The following ADAM18 variants were observed in gnomAD, a reference collection of about 807,000 sequenced individuals.
ADAM18 encodes the protein disintegrin and metalloproteinase domain-containing protein 18.
Under a neutral mutation model 94.4 loss-of-function variants are expected in ADAM18, and 117 were observed. That is an observed-to-expected ratio of 1.24 (90% CI 1.07 to 1.45). The LOEUF is 1.45. Ranked by LOEUF, ADAM18 falls within the 40% of genes most tolerant of loss-of-function variation. The pLI is 0.00. For missense variants in ADAM18, 936 were observed against 880.0 expected (o/e 1.06, Z -0.81); for synonymous variants, 327 against 291.6 (o/e 1.12, Z -1.24).
intron 17 of ADAM18, among the ~76,000 whole-genome samples, chr8:39,697,885 T>C (rs1406914494): frequency 1.3e-5 from 2 of 151,860 alleles, no homozygotes; most frequent in African/African-American, 4.8e-5. Context: ...CTTTTTGACA[T>C]TGGTGTTCAA....
intron 12 of ADAM18, among the ~76,000 whole-genome samples, chr8:39,657,872 C>G (rs1820730421): frequency 6.6e-6 from 1 of 151,898 alleles, no homozygotes; most frequent in African/African-American, 2.4e-5. Context: ...CCTATGATAC[C>G]TCATAAATAT....
At chr8:39,628,448 G>GATAA (rs941121496) in intron 6 of ADAM18, among the ~76,000 whole-genome samples, 1 of 150,804 alleles carries the variant, frequency 6.6e-6, no homozygotes, top group Non-Finnish European at 1.5e-5. Context: ...TAGATAGATA[G>GATAA]ATAGATAGAT....
At chr8:39,639,899 T>G (rs1280677521) in intron 10 of ADAM18, among the ~76,000 whole-genome samples, 1 of 152,088 alleles carries the variant, frequency 6.6e-6, no homozygotes, top group Non-Finnish European at 1.5e-5. Flanking sequence ...TCCTTTGTAT[T>G]ATGTGTATCC....
intron 12 of ADAM18, among the ~76,000 whole-genome samples, chr8:39,652,142 A>C (rs1478058955): frequency 6.6e-6 from 1 of 152,160 alleles, no homozygotes; most frequent in Non-Finnish European, 1.5e-5. Flanking sequence ...GGATCTGGCA[A>C]TGATTCATAA....
At chr8:39,674,911 G>C (rs997102665) in intron 14 of ADAM18, among the ~76,000 whole-genome samples, 2 of 152,246 alleles carry the variant, frequency 1.3e-5, no homozygotes, top group African/African-American at 4.8e-5. Flanking sequence ...TGAAATTCTG[G>C]GTTGAAAATT....
chr8:39,729,767 TA>T (rs1268785122), intron 19 of ADAM18, 130 bp from the exon 20 acceptor site: 1 of 683,200 alleles, frequency 1.5e-6, no homozygotes, highest in Non-Finnish European at 2.4e-6. Context: ...TAACCAAACT[TA>T]TCTATAATAA....
Position 39,645,487 on chromosome 8 carries a change from CTTAA to C in ADAM18, c.1046+20_1046+23del, listed in dbSNP as rs760183805. On this transcript the variant is annotated intron_variant, in intron 11 of 19. Coordinates refer to ENST00000265707, the MANE Select transcript of ADAM18 (RefSeq NM_014237.3). Reference sequence around the variant, plus strand: ...ATCATGAAGCAGTGTAAGATGTTTTCTTAATTAATTTCATTTATATTTTTATAAG... The same window carrying C: ...ATCATGAAGCAGTGTAAGATGTTTTCTTAATTTCATTTATATTTTTATAAG... 8 of 1,590,528 alleles carry C rather than the reference CTTAA, an allele frequency of 5.0e-6. No homozygotes were observed. The highest frequency in any genetic ancestry group is 6.8e-6 in the Non-Finnish European group (8 of 1,172,900).
intron 6 of ADAM18, among the ~76,000 whole-genome samples, chr8:39,626,579 C>T (rs1585912806): frequency 6.6e-6 from 1 of 151,786 alleles, no homozygotes; most frequent in African/African-American, 2.4e-5. Context: ...TTTGCTGTAT[C>T]CCAGAGGTTT....
rs548925322 is a variant in ADAM18, at chr8:39,623,446, C to T, written c.523-5928C>T. On this transcript the variant is annotated intron_variant, in intron 6 of 19. Coordinates refer to ENST00000265707, the MANE Select transcript of ADAM18 (RefSeq NM_014237.3). ...GTAGTTGTACTAATTTAGATTCCCA[C>T]CGGCAGTATGTACATATACTCCTGA... 6.6e-5 allele frequency among the ~76,000 whole-genome samples: 10 copies of T among 152,154 alleles called. No homozygotes were observed. The South Asian group carries it at 2.1e-3, about 32-fold the overall frequency.
At chr8:39,679,793 C>T (rs1310472942) in intron 15 of ADAM18, among the ~76,000 whole-genome samples, 1 of 152,130 alleles carries the variant, frequency 6.6e-6, no homozygotes, top group Non-Finnish European at 1.5e-5. Flanking sequence ...ACTTAGAGAA[C>T]AAAATTGGGC....
At chr8:39,598,419 T>C (rs1818804121) in intron 2 of ADAM18, among the ~76,000 whole-genome samples, 1 of 152,076 alleles carries the variant, frequency 6.6e-6, no homozygotes, top group Non-Finnish European at 1.5e-5. Context: ...GGTTAGAACA[T>C]GGCCTGCTAT....
chr8:39,596,445 C>T (rs1818742492), intron 2 of ADAM18, among the ~76,000 whole-genome samples: 1 of 152,164 alleles, frequency 6.6e-6, no homozygotes, highest in Non-Finnish European at 1.5e-5. Flanking sequence ...GTAGCCTTTT[C>T]AGATGGCTTT....
At chr8:39,616,132 A>G (rs957056970) in intron 6 of ADAM18, among the ~76,000 whole-genome samples, 1 of 152,176 alleles carries the variant, frequency 6.6e-6, no homozygotes, top group African/African-American at 2.4e-5. Context: ...GGCCAGCCAC[A>G]GTGGCTCATG....
chr8:39,686,780 C>T (rs191043186), intron 16 of ADAM18, among the ~76,000 whole-genome samples: 36 of 152,262 alleles, frequency 2.4e-4, no homozygotes, highest in African/African-American at 7.2e-4. Context: ...TTAAGAAATG[C>T]GTAGGAATCA....
At chr8:39,660,688 G>T (rs575684155) in intron 12 of ADAM18, among the ~76,000 whole-genome samples, 6 of 152,240 alleles carry the variant, frequency 3.9e-5, no homozygotes, top group African/African-American at 1.4e-4. Flanking sequence ...ATATCAACCA[G>T]ACAGAAAATT....
At chr8:39,673,928 C>A (rs145886615) in intron 14 of ADAM18, among the ~76,000 whole-genome samples, 1,967 of 152,182 alleles carry the variant, frequency 0.013, 37 homozygotes, top group African/African-American at 0.044. Context: ...TGTAGTTGTG[C>A]GGTTTTGAGA....
In ADAM18 at chr8:39,585,356, AATG is replaced by A; in HGVS notation, c.132+9_132+11del. On this transcript the variant is annotated splice_donor_5th_base_variant and intron_variant, in intron 2 of 19. Transcript: ENST00000265707. ...CAGTGAAGTTTCAGAGAGGAAGGTAAATGATGAGGAATATTTATTCTATATTTA... is the reference window on the plus strand; with the variant it reads ...CAGTGAAGTTTCAGAGAGGAAGGTAAATGAGGAATATTTATTCTATATTTA... The A allele has an allele frequency of 6.2e-7, 1 of 1,601,202 alleles. No homozygotes were observed. Among genetic ancestry groups the A allele is most frequent in the Non-Finnish European group, 8.6e-7 (1 of 1,169,068 alleles).
chr8:39,700,281 G>C (rs1173091106), intron 17 of ADAM18, among the ~76,000 whole-genome samples: 1 of 152,106 alleles, frequency 6.6e-6, no homozygotes, highest in African/African-American at 2.4e-5. Context: ...GTCATGAATT[G>C]TAAATGGATG....
chr8:39,629,333 C>T (rs751589551), intron 6 of ADAM18, 41 bp from the exon 7 acceptor site: 1 of 1,434,226 alleles, frequency 7.0e-7, no homozygotes, highest in Non-Finnish European at 9.6e-7. Flanking sequence ...AAATTCAATA[C>T]ATGTTAACAT....
Sources: gnomAD v4.1 joint callset for allele counts (sites outside exome capture counted in the v4.1 genomes callset) on GRCh38, gnomAD v4.1.1 for gene constraint, MANE v1.5 for transcripts, NCBI Gene and HGNC (gene_info 2026-07-23, HGNC 2026-07-21) for gene names.